Variants in CCNH observed in about 807,000 individuals in gnomAD.
CCNH encodes cyclin-H.
CCNH carries 31 observed loss-of-function variants against 41.9 expected under a neutral mutation model. That is an observed-to-expected ratio of 0.74 (90% confidence interval 0.56 to 1.00). The LOEUF (loss-of-function observed/expected upper bound fraction) is 1.00. Among genes scored for constraint, CCNH ranks in the 50% least tolerant of loss-of-function variants. CCNH has a pLI of 0.00. For missense variants in CCNH, 362 were observed against 388.4 expected (o/e 0.93, Z 0.57); for synonymous variants, 138 against 136.1 (o/e 1.01, Z -0.10).
chr5:87,331,485 T>C, intron 9 of CCNH: 1 of 1,613,852 alleles, frequency 6.2e-7, no homozygotes, highest in East Asian at 2.2e-5. Context: ...CAGATGAATG[T>C]TGTCAACCAT....
intron 9 of CCNH, chr5:87,385,221 T>C (rs552588603): frequency 3.3e-6 from 3 of 920,832 alleles, no homozygotes; most frequent in Admixed American, 1.8e-5. Context: ...TAAAGAAATA[T>C]TAAAGTGCTA....
At position 87,329,033 on chromosome 5, in the gene CCNH, C is replaced by T. The variant is rs575693063; in HGVS notation, c.*91-10136G>A. Reference sequence around the variant, plus strand: ...TTTTGCTTTATGTGTTTGAAGCTTACGACCTTTTGACATGAAGGAAATTGC... The same window carrying T: ...TTTTGCTTTATGTGTTTGAAGCTTATGACCTTTTGACATGAAGGAAATTGC... On this transcript the variant is annotated intron_variant and NMD_transcript_variant, in intron 9 of 9. Transcript: ENST00000645953. 3.3e-5 allele frequency among the ~76,000 whole-genome samples: 5 copies of T among 152,194 alleles called. No homozygotes were observed. In the South Asian group the frequency reaches 1.0e-3, roughly 32 times the overall value.
At chr5:87,364,909 A>G (rs1760390185) in intron 9 of CCNH, among the ~76,000 whole-genome samples, 1 of 152,176 alleles carries the variant, frequency 6.6e-6, no homozygotes, top group African/African-American at 2.4e-5. Flanking sequence ...TTTTGTGCCT[A>G]GATCTGTTGC....
At chr5:87,340,582 A>T (rs754585130) in intron 9 of CCNH, among the ~76,000 whole-genome samples, 5 of 152,134 alleles carry the variant, frequency 3.3e-5, no homozygotes, top group Non-Finnish European at 5.9e-5. Flanking sequence ...ACACTATTGT[A>T]TCTTAAATCA....
chr5:87,331,721 C>T (rs1299496801), intron 9 of CCNH, among the ~76,000 whole-genome samples: 7 of 152,118 alleles, frequency 4.6e-5, no homozygotes, highest in Non-Finnish European at 7.4e-5. Flanking sequence ...TGCTGATCCT[C>T]AAATATATTT....
At chr5:87,381,775 TATAA>T (rs1380602048), upstream of CCNH, among the ~76,000 whole-genome samples, 1 of 152,162 alleles carries the variant, frequency 6.6e-6, no homozygotes, top group Non-Finnish European at 1.5e-5. Flanking sequence ...TTCAAACAAG[TATAA>T]CTGTTAAGCA....
At chr5:87,338,723 G>A (rs1049973589) in intron 9 of CCNH, among the ~76,000 whole-genome samples, 1 of 150,464 alleles carries the variant, frequency 6.6e-6, no homozygotes, top group Non-Finnish European at 1.5e-5. Flanking sequence ...TTCCTCATAA[G>A]TGAAGTTATA....
At chr5:87,364,814 T>C (rs1234522269) in intron 9 of CCNH, among the ~76,000 whole-genome samples, 1 of 152,152 alleles carries the variant, frequency 6.6e-6, no homozygotes. Flanking sequence ...AAACATTCTG[T>C]TGAGCCACCT....
intron 9 of CCNH, among the ~76,000 whole-genome samples, chr5:87,344,718 T>C (rs530394254): frequency 6.7e-6 from 1 of 148,316 alleles, no homozygotes; most frequent in African/African-American, 2.5e-5. Flanking sequence ...GAGGTCTTAC[T>C]ATGCTGCCCA....
chr5:87,358,442 T>C (rs1297228178), intron 9 of CCNH, among the ~76,000 whole-genome samples: 3 of 152,152 alleles, frequency 2.0e-5, no homozygotes, highest in African/African-American at 7.2e-5. Context: ...TCATCCTCAA[T>C]TCTTCTCTTT....
rs575937510 is a variant in CCNH at position 87,358,993 on chromosome 5, A to G, written c.*90+33777T>C. 9.8e-5 allele frequency among the ~76,000 whole-genome samples: 15 copies of G among 152,286 alleles called. No homozygotes were observed. The East Asian group carries it at 2.7e-3, about 27-fold the overall frequency. On this transcript the variant is annotated intron_variant and NMD_transcript_variant, in intron 9 of 9. Coordinates refer to the CCNH transcript ENST00000645953. The stretch of plus-strand genomic sequence containing the variant: ...CTTAATTAACACTGCAACTTGCTCA[A>G]CCCTGCGGAGCACTTACCTTCTAAC...
intron 9 of CCNH, among the ~76,000 whole-genome samples, chr5:87,357,081 G>A (rs1255487179): frequency 6.6e-6 from 1 of 152,012 alleles, no homozygotes; most frequent in Non-Finnish European, 1.5e-5. Flanking sequence ...ACTTTAATGT[G>A]CTCCTTCCTA....
At chr5:87,404,610 A>G (rs576303701) in intron 5 of CCNH, among the ~76,000 whole-genome samples, 9 of 152,332 alleles carry the variant, frequency 5.9e-5, no homozygotes, top group Admixed American at 2.6e-4. Flanking sequence ...ACTGATAGCT[A>G]TATCAGTCTT....
At position 87,412,372 on chromosome 5, in the gene CCNH, C is replaced by T. The variant is rs753894693; in HGVS notation, c.117+306G>A. On this transcript the variant is annotated intron_variant, in intron 1 of 8. Transcript: ENST00000256897. ...GCATTGGCTACTGGGAAAAACCTTC[C>T]CCAACATCATCTCTTGACAAGTGAA... The T allele has an allele frequency of 3.0e-5, 33 of 1,105,400 alleles. No homozygotes were observed. In the Middle Eastern group the frequency reaches 1.6e-3, roughly 54 times the overall value. 68.5% of individuals were successfully genotyped at this position (1,105,400 alleles called of 1,614,324 possible).
intron 6 of CCNH, among the ~76,000 whole-genome samples, chr5:87,399,879 T>G (rs1763266580): frequency 6.6e-6 from 1 of 152,246 alleles, no homozygotes; most frequent in Admixed American, 6.5e-5. Flanking sequence ...CTTCGTAGTA[T>G]TCTATTCCAT....
At chr5:87,393,212 G>A (rs1159101430), downstream of CCNH, among the ~76,000 whole-genome samples, 1 of 152,118 alleles carries the variant, frequency 6.6e-6, no homozygotes, top group Non-Finnish European at 1.5e-5. Context: ...TACAGCCTGG[G>A]ATGTACTGAG....
intron 7 of CCNH, 145 bp from the exon 8 acceptor site, chr5:87,395,249 G>T: frequency 1.8e-6 from 1 of 564,154 alleles, no homozygotes; most frequent in Admixed American, 3.1e-5. Context: ...AACAGCTATG[G>T]GGTAGGGAAA....
chr5:87,312,296 A>C, the CCNH span, among the ~76,000 whole-genome samples: 1 of 152,236 alleles, frequency 6.6e-6, no homozygotes, highest in East Asian at 1.9e-4. Context: ...ACAGATAAGG[A>C]AATCTGTCTT....
downstream of CCNH, chr5:87,372,258 A>G (rs1031581198): frequency 8.3e-5 from 122 of 1,465,642 alleles, no homozygotes; most frequent in Non-Finnish European, 1.1e-4. Context: ...TGCTCTTTTT[A>G]TTTTATTTTT....
Sources: allele counts gnomAD v4.1 joint callset (sites outside exome capture counted in the v4.1 genomes callset), GRCh38; gene constraint gnomAD v4.1.1; transcripts MANE v1.5; gene names NCBI Gene and HGNC (gene_info 2026-07-23, HGNC 2026-07-21).